Variants in DLEU7 observed in about 807,000 individuals in gnomAD.
DLEU7 encodes the protein deleted in lymphocytic leukemia 7.
DLEU7 carries 17 observed loss-of-function variants against 16.0 expected under a neutral mutation model. The observed-to-expected ratio is 1.06, with a 90% CI of 0.73 to 1.59. The LOEUF (loss-of-function observed/expected upper bound fraction) is 1.59, where lower values mean the gene tolerates loss of function less well. DLEU7 is among the 40% of genes most tolerant of loss of function. DLEU7 has a pLI of 0.00. For synonymous variants in DLEU7, 113 were observed against 139.8 expected (o/e 0.81, Z 1.35); for missense variants, 308 against 314.9 (o/e 0.98, Z 0.17).
chr13:50,712,870 T>C, exon 2 of DLEU7: 1 of 265,844 alleles, frequency 3.8e-6, no homozygotes, highest in Non-Finnish European at 7.2e-6. Context: ...TAACATCCAC[T>C]TTTCCAGGGG....
At chr13:50,728,989 C>CT (rs982617512) in intron 1 of DLEU7, among the ~76,000 whole-genome samples, 2 of 151,912 alleles carry the variant, frequency 1.3e-5, no homozygotes, top group Non-Finnish European at 2.9e-5. Flanking sequence ...CTTTGTATAA[C>CT]TTTTTTTTCA....
At chr13:50,738,684 G>T (rs1874154069) in intron 1 of DLEU7, among the ~76,000 whole-genome samples, 3 of 152,056 alleles carry the variant, frequency 2.0e-5, no homozygotes, top group Non-Finnish European at 4.4e-5. Flanking sequence ...CCTACAATGA[G>T]ATCATAGTAT....
intron 1 of DLEU7, among the ~76,000 whole-genome samples, chr13:50,811,185 T>C (rs1416436431): frequency 6.6e-6 from 1 of 152,150 alleles, no homozygotes; most frequent in Non-Finnish European, 1.5e-5. Context: ...TGGCAAACTA[T>C]AAAGGTCACT....
At chr13:50,819,160 T>C (rs1397321318), downstream of DLEU7, among the ~76,000 whole-genome samples, 1 of 152,082 alleles carries the variant, frequency 6.6e-6, no homozygotes, top group Non-Finnish European at 1.5e-5. Flanking sequence ...GGGGATGCTA[T>C]TTTTGCTGAG....
intron 1 of DLEU7, among the ~76,000 whole-genome samples, chr13:50,803,766 A>G (rs1393796186): frequency 6.6e-6 from 1 of 152,162 alleles, no homozygotes; most frequent in African/African-American, 2.4e-5. Context: ...TAGAAAATTT[A>G]GAATTACACG....
intron 1 of DLEU7, among the ~76,000 whole-genome samples, chr13:50,787,132 TATG>T (rs1875811123): frequency 6.6e-6 from 1 of 152,204 alleles, no homozygotes; most frequent in South Asian, 2.1e-4. Context: ...CCTTCCTTAT[TATG>T]AGGATAAAAT....
chr13:50,742,311 G>A (rs1874272068), intron 1 of DLEU7, among the ~76,000 whole-genome samples: 1 of 152,146 alleles, frequency 6.6e-6, no homozygotes, highest in South Asian at 2.1e-4. Flanking sequence ...AGAGCATTTG[G>A]TGGAAAGTTT....
At chr13:50,776,720 T>G (rs1875507723) in intron 1 of DLEU7, among the ~76,000 whole-genome samples, 1 of 152,206 alleles carries the variant, frequency 6.6e-6, no homozygotes, top group Admixed American at 6.5e-5. Flanking sequence ...TTAAAGAGTT[T>G]GGCTAAACAT....
At chr13:50,738,329 C>T (rs1242457041) in intron 1 of DLEU7, among the ~76,000 whole-genome samples, 1 of 152,130 alleles carries the variant, frequency 6.6e-6, no homozygotes, top group African/African-American at 2.4e-5. Flanking sequence ...TAACCACTGC[C>T]ATTGTTTCAA....
intron 1 of DLEU7, among the ~76,000 whole-genome samples, chr13:50,766,240 C>G (rs1875103285): frequency 6.6e-6 from 1 of 152,174 alleles, no homozygotes; most frequent in Non-Finnish European, 1.5e-5. Context: ...AGGATACTGT[C>G]AGCCCAAATT....
intron 1 of DLEU7, among the ~76,000 whole-genome samples, chr13:50,748,180 CAT>C (rs1474697211): frequency 1.4e-4 from 21 of 150,250 alleles, no homozygotes; most frequent in Middle Eastern, 3.5e-3. Context: ...AATGATTACA[CAT>C]GTGTGTTCAA....
At chr13:50,803,545 A>G (rs996682214) in intron 1 of DLEU7, among the ~76,000 whole-genome samples, 2 of 152,168 alleles carry the variant, frequency 1.3e-5, no homozygotes, top group Admixed American at 1.3e-4. Context: ...ATGCACAGTA[A>G]TTATAAAATA....
intron 1 of DLEU7, among the ~76,000 whole-genome samples, chr13:50,789,172 A>G (rs756270239): frequency 1.3e-5 from 2 of 151,578 alleles, no homozygotes; most frequent in Admixed American, 1.3e-4. Context: ...CGGAGTGTGG[A>G]CAGCATACGT....
chr13:50,834,470 C>T (rs1328539651), intron 1 of DLEU7, among the ~76,000 whole-genome samples: 7 of 150,866 alleles, frequency 4.6e-5, no homozygotes, highest in African/African-American at 1.5e-4. Context: ...ATTAGAGAAA[C>T]GCAAATCAAA....
At chr13:50,829,879 G>A (rs1018411823) in intron 1 of DLEU7, among the ~76,000 whole-genome samples, 4 of 152,154 alleles carry the variant, frequency 2.6e-5, no homozygotes, top group African/African-American at 4.8e-5. Context: ...GTCTGCAATG[G>A]AAGGTAGGGG....
chr13:50,713,370 C>T, intron 1 of DLEU7: 1 of 1,136,408 alleles, frequency 8.8e-7, no homozygotes. Context: ...TATGGGCTAA[C>T]ACACATTTCT....
intron 1 of DLEU7, among the ~76,000 whole-genome samples, chr13:50,795,306 C>T (rs1007783999): frequency 5.3e-5 from 8 of 152,074 alleles, no homozygotes; most frequent in African/African-American, 1.9e-4. Flanking sequence ...GGGATTATAG[C>T]AAAAGGACAG....
intron 1 of DLEU7, among the ~76,000 whole-genome samples, chr13:50,837,579 G>A (rs1877512739): frequency 6.6e-6 from 1 of 152,180 alleles, no homozygotes; most frequent in Non-Finnish European, 1.5e-5. Context: ...TTTTGTCACA[G>A]ATAATGAGCA....
At chr13:50,793,429 AC>A (rs1401029219) in intron 1 of DLEU7, among the ~76,000 whole-genome samples, 2 of 152,178 alleles carry the variant, frequency 1.3e-5, no homozygotes, top group Admixed American at 6.5e-5. Flanking sequence ...AAATCTCCAA[AC>A]TGCTCTCCAC....
Sources: gnomAD v4.1 joint callset for allele counts (sites outside exome capture counted in the v4.1 genomes callset) on GRCh38, gnomAD v4.1.1 for gene constraint, MANE v1.5 for transcripts, NCBI Gene and HGNC (gene_info 2026-07-23, HGNC 2026-07-21) for gene names.